LARP4B: variants seen among roughly 807,000 people sequenced by gnomAD.
The protein encoded by LARP4B is La ribonucleoprotein 4B, also known as la-related protein 4B.
Under a neutral mutation model 89.8 loss-of-function variants are expected in LARP4B, and 12 were observed. That is an observed-to-expected ratio of 0.13 (90% CI 0.09 to 0.22). The LOEUF (loss-of-function observed/expected upper bound fraction) is 0.22, where lower values mean the gene tolerates loss of function less well. Among genes scored for constraint, LARP4B ranks in the 10% least tolerant of loss-of-function variants. The probability of loss-of-function intolerance (pLI) is 1.00; values close to 1 mark genes in which losing one functional copy is unlikely to be tolerated. For synonymous variants in LARP4B, 367 were observed against 363.3 expected (o/e 1.01, Z -0.12); for missense variants, 757 against 947.7 (o/e 0.80, Z 2.64).
At chr10:974,341 C>T in the LARP4B span, among the ~76,000 whole-genome samples, 1 of 152,102 alleles carries the variant, frequency 6.6e-6, no homozygotes, top group African/African-American at 2.4e-5. Context: ...TGCCTCTTTC[C>T]CCCATTAACT....
intron 3 of LARP4B, among the ~76,000 whole-genome samples, chr10:884,246 C>A (rs545235488): frequency 6.6e-6 from 1 of 152,168 alleles, no homozygotes; most frequent in Non-Finnish European, 1.5e-5. Context: ...AAAACAGACA[C>A]GCACAGAAGC....
At chr10:857,716 T>C (rs1834381914) in intron 5 of LARP4B, among the ~76,000 whole-genome samples, 1 of 152,192 alleles carries the variant, frequency 6.6e-6, no homozygotes, top group Non-Finnish European at 1.5e-5. Context: ...TTAGTCTGTG[T>C]CAACAAGAGT....
intron 5 of LARP4B, among the ~76,000 whole-genome samples, chr10:849,742 T>TCA (rs1245461816): frequency 6.6e-6 from 1 of 152,228 alleles, no homozygotes; most frequent in Non-Finnish European, 1.5e-5. Context: ...CAGTGGTAAG[T>TCA]CACGTTGACA....
the LARP4B span, among the ~76,000 whole-genome samples, chr10:955,336 C>T: frequency 2.8e-3 from 427 of 152,346 alleles, 3 homozygotes; most frequent in African/African-American, 9.0e-3. This position sits in a 1 kb window ranked among gnomAD's most constrained non-coding sequence, Gnocchi z 5.2. Flanking sequence ...ACACCACAGG[C>T]GCCAGGCAGG....
intron 5 of LARP4B, among the ~76,000 whole-genome samples, chr10:858,142 A>G (rs1834403599): frequency 6.6e-6 from 1 of 152,178 alleles, no homozygotes; most frequent in African/African-American, 2.4e-5. Flanking sequence ...GGGCTCCTCT[A>G]TATTCTTGTA....
At position 895,880 on chromosome 10, in the gene LARP4B, T is replaced by A. The variant is rs143732450; in HGVS notation, c.-39-10120A>T. On this transcript the variant is annotated intron_variant, in intron 1 of 17. Coordinates refer to ENST00000316157, the MANE Select transcript of LARP4B (RefSeq NM_015155.3). ...TGCCAAAAGACTAACAATGTGTGAT[T>A]AACTTATTGACTTCATCTCCCAGAG... 2.0e-5 allele frequency among the ~76,000 whole-genome samples: 3 copies of A among 152,310 alleles called. No individual in the cohort carries two copies. The East Asian group carries it at 5.8e-4, about 29-fold the overall frequency.
chr10:839,122 C>T (rs142943298), intron 7 of LARP4B, among the ~76,000 whole-genome samples: 5 of 152,092 alleles, frequency 3.3e-5, no homozygotes, highest in Admixed American at 1.3e-4. Flanking sequence ...CAGGGATGCA[C>T]GGGTGGAACT....
At chr10:888,702 G>A (rs1835933352) in intron 1 of LARP4B, among the ~76,000 whole-genome samples, 1 of 152,172 alleles carries the variant, frequency 6.6e-6, no homozygotes, top group Admixed American at 6.5e-5. Context: ...CTAATTTTGG[G>A]TGAGTCAGAA....
At chr10:895,456 T>C (rs1461432282) in intron 1 of LARP4B, among the ~76,000 whole-genome samples, 1 of 151,578 alleles carries the variant, frequency 6.6e-6, no homozygotes, top group Non-Finnish European at 1.5e-5. Context: ...CCCAACACTT[T>C]GGGAGACAAG....
chr10:864,322 A>C, intron 3 of LARP4B, 52 bp from the exon 4 acceptor site: 2 of 1,585,350 alleles, frequency 1.3e-6, no homozygotes, highest in Non-Finnish European at 1.7e-6. Context: ...ACCAAATACA[A>C]TTTTACTCAT....
intron 8 of LARP4B, among the ~76,000 whole-genome samples, chr10:831,760 G>C (rs936613375): frequency 3.3e-5 from 5 of 152,172 alleles, no homozygotes; most frequent in Non-Finnish European, 5.9e-5. Flanking sequence ...GTTGGTTCCA[G>C]GTAACTTCAC....
intron 13 of LARP4B, 114 bp downstream of exon 13, chr10:824,951 C>G (rs1832545178): frequency 1.8e-6 from 2 of 1,086,498 alleles, no homozygotes; most frequent in African/African-American, 1.6e-5. Flanking sequence ...ATGTTTATAG[C>G]CTTCAGTTAG....
At chr10:862,691 C>T (rs890230071) in intron 5 of LARP4B, among the ~76,000 whole-genome samples, 4 of 151,616 alleles carry the variant, frequency 2.6e-5, no homozygotes, top group African/African-American at 9.7e-5. Context: ...ACTCAGTAGG[C>T]GGAGCTTGCA....
chr10:901,142 C>T (rs1190750140), intron 1 of LARP4B, among the ~76,000 whole-genome samples: 2 of 151,646 alleles, frequency 1.3e-5, no homozygotes, highest in Non-Finnish European at 2.9e-5. Context: ...GTTTCGAACT[C>T]CTGACCTCCT....
chr10:859,695 G>C (rs1443971152), intron 5 of LARP4B, among the ~76,000 whole-genome samples: 1 of 152,180 alleles, frequency 6.6e-6, no homozygotes. Flanking sequence ...GTTATTCAGT[G>C]CTAAAAAGAA....
chr10:827,871 T>C (rs1006786810), intron 11 of LARP4B, among the ~76,000 whole-genome samples: 1 of 152,172 alleles, frequency 6.6e-6, no homozygotes. Flanking sequence ...GGTACACTTT[T>C]ATAGAATGTG....
chr10:864,601 C>A (rs1167779725), intron 3 of LARP4B, among the ~76,000 whole-genome samples: 1 of 152,162 alleles, frequency 6.6e-6, no homozygotes, highest in African/African-American at 2.4e-5. Context: ...AATAAAATCA[C>A]AATTCAGGGT....
At chr10:956,674 T>C in the LARP4B span, among the ~76,000 whole-genome samples, 1 of 152,148 alleles carries the variant, frequency 6.6e-6, no homozygotes, top group Admixed American at 6.5e-5. This position sits in a 1 kb window ranked among gnomAD's most constrained non-coding sequence, Gnocchi z 4.3. Context: ...AGGATTCCAA[T>C]CAGCCTAAAA....
intron 6 of LARP4B, among the ~76,000 whole-genome samples, 183 bp from the exon 7 acceptor site, chr10:843,251 G>A (rs953427174): frequency 3.3e-5 from 5 of 152,082 alleles, no homozygotes; most frequent in Admixed American, 1.3e-4. Flanking sequence ...GCAAAATCTC[G>A]GCCTTGGAGA....
Sources: gnomAD v4.1 joint callset for allele counts (sites outside exome capture counted in the v4.1 genomes callset) on GRCh38, gnomAD v4.1.1 for gene constraint, Gnocchi (gnomAD v3.1) non-coding constraint, MANE v1.5 for transcripts, NCBI Gene and HGNC (gene_info 2026-07-23, HGNC 2026-07-21) for gene names.